Variants in ATP2C1 observed in about 807,000 individuals in gnomAD.
The protein encoded by ATP2C1 is ATPase secretory pathway Ca2+ transporting 1.
A neutral mutation model predicts 120.5 loss-of-function variants in ATP2C1; 31 were observed. That is an observed-to-expected ratio of 0.26 (90% confidence interval 0.19 to 0.35). The LOEUF is 0.35. ATP2C1 is among the 10% of genes least tolerant of loss of function. ATP2C1 has a pLI of 1.00. For missense variants in ATP2C1, 731 were observed against 1,107.5 expected (o/e 0.66, Z 4.83); for synonymous variants, 351 against 358.7 (o/e 0.98, Z 0.24).
chr3:130,902,374 A>C (rs2057903054), intron 2 of ATP2C1, among the ~76,000 whole-genome samples: 1 of 119,744 alleles, frequency 8.4e-6, no homozygotes. Context: ...TTATAATCTT[A>C]ATGCTTTTCT....
chr3:130,933,648 T>A (rs1199563302), intron 4 of ATP2C1, among the ~76,000 whole-genome samples: 4 of 152,214 alleles, frequency 2.6e-5, no homozygotes, highest in Non-Finnish European at 4.4e-5. Context: ...TATTATTTTT[T>A]AAAAATCCTC....
At chr3:130,996,539 C>T (rs1231378397) in intron 23 of ATP2C1, 141 bp from the exon 24 acceptor site, 31 of 695,816 alleles carry the variant, frequency 4.5e-5, no homozygotes, top group Non-Finnish European at 7.2e-5. Context: ...AAAATGTCCA[C>T]GTGACTGAAG....
chr3:130,968,369 A>T (rs2108667073), intron 16 of ATP2C1, among the ~76,000 whole-genome samples: 1 of 152,290 alleles, frequency 6.6e-6, no homozygotes, highest in South Asian at 2.1e-4. Context: ...ATTTATATTG[A>T]CATTCTTGAG....
In ATP2C1 at chr3:130,941,668, A is replaced by T. The variant is rs372317337; in HGVS notation, c.500A>T (p.Asp167Val). 6.2e-7 allele frequency: 1 copy of T among 1,613,906 alleles called. No homozygotes were observed. The highest frequency in any genetic ancestry group is 8.5e-7 in the Non-Finnish European group (1 of 1,179,970). ...GATACAGTTTGCCTTTCTGTTGGGG[A>T]TAGAGTTCCTGCTGACTTACGCTTG... is the stretch of plus-strand genomic sequence containing the variant. ...PGDTVCLSVGDRVPADLRLFE... is the reference protein window; with the variant it reads ...PGDTVCLSVGVRVPADLRLFE... Residue 167 changes from aspartate (D) to valine (V), a missense_variant, in exon 8 of 28, where the codon GAT (aspartate) becomes GTT (valine). This residue lies in a region of ATP2C1 where 571 missense variants were observed against 845.9 expected (regional missense o/e 0.67). Coordinates refer to ENST00000510168, the MANE Select transcript of ATP2C1 (RefSeq NM_001378687.1).
rs115135347 is a variant in ATP2C1, at chr3:130,983,105, T to G, written c.1839+2426T>G. Among the ~76,000 whole-genome samples the G allele has an allele frequency of 8.4e-3, 1,282 of 152,258 alleles. 18 individuals carry two copies. The highest frequency in any genetic ancestry group is 0.029 in the African/African-American group (1,222 of 41,540). ...TAAATGCATAGCATGCATATATATA[T>G]ATAGAGAGAGAGAGTTACATAACCA... On this transcript the variant is annotated intron_variant, in intron 20 of 27. Coordinates refer to ENST00000510168, the MANE Select transcript of ATP2C1 (RefSeq NM_001378687.1).
chr3:130,975,795 C>T (rs1437945103), intron 18 of ATP2C1, among the ~76,000 whole-genome samples: 1 of 152,170 alleles, frequency 6.6e-6, no homozygotes, highest in African/African-American at 2.4e-5. Context: ...AATGGTGTTA[C>T]TCTCTTTTTA....
At chr3:130,934,531 A>G (rs1468113157) in intron 4 of ATP2C1, 91 bp from the exon 5 acceptor site, 2 of 825,402 alleles carry the variant, frequency 2.4e-6, no homozygotes, top group Admixed American at 4.2e-5. Context: ...TTTTCCAGTC[A>G]TGCTCTTATG....
At chr3:130,911,916 G>A (rs2058436090) in intron 2 of ATP2C1, among the ~76,000 whole-genome samples, 1 of 142,952 alleles carries the variant, frequency 7.0e-6, no homozygotes, top group Admixed American at 7.2e-5. Context: ...ATAGATCAAT[G>A]GAACAGAACA....
At chr3:130,892,888 G>A (rs898168077), upstream of ATP2C1, among the ~76,000 whole-genome samples, 1 of 152,220 alleles carries the variant, frequency 6.6e-6, no homozygotes, top group Admixed American at 6.5e-5. Flanking sequence ...AGGCAACCCC[G>A]TCCGTTAATT....
intron 1 of ATP2C1, among the ~76,000 whole-genome samples, chr3:130,859,337 G>A (rs2067943317): frequency 6.6e-6 from 1 of 152,198 alleles, no homozygotes; most frequent in Non-Finnish European, 1.5e-5. Context: ...GTTACATCTA[G>A]CAAAGACCTC....
At chr3:130,930,283 G>C in intron 2 of ATP2C1, 133 bp from the exon 3 acceptor site, 1 of 701,840 alleles carries the variant, frequency 1.4e-6, no homozygotes, top group South Asian at 1.5e-5. Context: ...ATTAGGACTA[G>C]CTACGTAATT....
chr3:130,923,587 G>A (rs72983792), intron 2 of ATP2C1, among the ~76,000 whole-genome samples: 73 of 151,936 alleles, frequency 4.8e-4, no homozygotes, highest in African/African-American at 1.7e-3. Context: ...CTACTTCTAG[G>A]CCGGAAGTGG....
At chr3:130,942,902 C>T (rs959679000) in intron 8 of ATP2C1, among the ~76,000 whole-genome samples, 2 of 152,092 alleles carry the variant, frequency 1.3e-5, no homozygotes, top group African/African-American at 4.8e-5. Flanking sequence ...CCAGAAAACC[C>T]TAATTTAAAT....
intron 2 of ATP2C1, among the ~76,000 whole-genome samples, chr3:130,901,190 T>A (rs562773827): frequency 6.6e-6 from 1 of 152,272 alleles, no homozygotes; most frequent in African/African-American, 2.4e-5. Flanking sequence ...TGAGGGTTAC[T>A]GTTTACTTAA....
Position 130,858,304 on chromosome 3 carries a change from CT to C in ATP2C1, c.108+7377del, listed in dbSNP as rs1252559062. 9.8e-5 allele frequency among the ~76,000 whole-genome samples: 15 copies of C among 152,334 alleles called. No individual in the cohort carries two copies. In the South Asian group the frequency reaches 2.5e-3, roughly 25 times the overall value. On this transcript the variant is annotated intron_variant, in intron 1 of 26. Coordinates refer to the ATP2C1 transcript ENST00000504381. ...CACTCAATATTAACCATCACACCCC[CT>C]GTTCTCTGAACCCTAGCTATAGCAC...
chr3:130,893,818 C>G (rs1469400141), upstream of ATP2C1: 3 of 552,006 alleles, frequency 5.4e-6, no homozygotes. Context: ...GTAAGGGAGG[C>G]GCCAGCAAGA....
At chr3:130,916,690 G>A (rs1338914717) in intron 2 of ATP2C1, among the ~76,000 whole-genome samples, 1 of 152,024 alleles carries the variant, frequency 6.6e-6, no homozygotes, top group Non-Finnish European at 1.5e-5. Context: ...AATCTTTAAT[G>A]TCTTACCTTT....
At chr3:130,992,518 C>T (rs1487720939) in intron 20 of ATP2C1, among the ~76,000 whole-genome samples, 1 of 152,190 alleles carries the variant, frequency 6.6e-6, no homozygotes, top group Non-Finnish European at 1.5e-5. Flanking sequence ...AGACACTTGA[C>T]ACTGTAAAAA....
At chr3:130,939,728 C>T (rs1039455855) in intron 6 of ATP2C1, among the ~76,000 whole-genome samples, 4 of 152,134 alleles carry the variant, frequency 2.6e-5, no homozygotes, top group Non-Finnish European at 4.4e-5. Context: ...ATATTTGTCA[C>T]TCTAAGATTA....
Sources: allele counts gnomAD v4.1 joint callset (sites outside exome capture counted in the v4.1 genomes callset), GRCh38; gene constraint gnomAD v4.1.1; regional missense constraint gnomAD v4.1.1; transcripts MANE v1.5; gene names NCBI Gene and HGNC (gene_info 2026-07-23, HGNC 2026-07-21).